The following SCML4 variants were observed in gnomAD, a reference collection of about 807,000 sequenced individuals.
SCML4 encodes the protein Scm polycomb group protein like 4.
A neutral mutation model predicts 41.1 loss-of-function variants in SCML4; 34 were observed. The ratio of observed to expected loss-of-function variants is 0.83; its 90% confidence interval spans 0.63 to 1.10. The LOEUF is 1.10. Among genes scored for constraint, SCML4 ranks in the 50% least tolerant of loss-of-function variants. SCML4 has a pLI of 0.00. For missense variants in SCML4, 522 were observed against 534.1 expected, an observed-to-expected ratio of 0.98 and a Z score of 0.22; for synonymous variants, 214 against 220.9, an observed-to-expected ratio of 0.97 and a Z score of 0.28.
chr6:107,753,593 C>T (rs372203449), intron 2 of SCML4, among the ~76,000 whole-genome samples: 9 of 152,088 alleles, frequency 5.9e-5, no homozygotes, highest in East Asian at 5.8e-4. Flanking sequence ...ATGGCAAACT[C>T]AATAACGGTA....
chr6:107,735,105 G>A (rs1248920356), intron 5 of SCML4, among the ~76,000 whole-genome samples: 1 of 152,136 alleles, frequency 6.6e-6, no homozygotes, highest in Non-Finnish European at 1.5e-5. Context: ...CAAACTCCTG[G>A]CCTCAAGCAG....
chr6:107,830,046 G>A, the SCML4 span, among the ~76,000 whole-genome samples: 72 of 152,286 alleles, frequency 4.7e-4, no homozygotes, highest in East Asian at 0.013. Context: ...TGGAGCCCAT[G>A]TGGGGTGCTT....
intron 4 of SCML4, chr6:107,745,398 C>G (rs907138598): frequency 2.2e-6 from 1 of 449,432 alleles, no homozygotes; most frequent in African/African-American, 2.0e-5. Context: ...TGTTTTTCAT[C>G]ACTCTAATAG....
At position 107,745,092 on chromosome 6, in the gene SCML4, T is replaced by G. The variant is rs1199665679; in HGVS notation, c.539A>C (p.Asn180Thr). 6.2e-7 allele frequency: 1 copy of G among 1,611,228 alleles called. No homozygotes were observed. Among genetic ancestry groups the G allele is most frequent in the Non-Finnish European group, 8.5e-7 (1 of 1,178,648 alleles). The change falls in exon 5 of 8, where the codon AAC (asparagine) becomes ACC (threonine). Residue 180 changes from asparagine to threonine, a missense_variant. Coordinates refer to ENST00000369020, the MANE Select transcript of SCML4 (RefSeq NM_198081.5). ...GAAGCGGAGGACATAGCCGATGCTG[T>G]TCACCACAGGCAGGCTCCGCAGGTG... is the stretch of plus-strand genomic sequence containing the variant. The part of the protein sequence containing the change: ...KQHLRSLPVV[N>T]SIGYVLRFLA...
chr6:107,720,992 G>A lies in SCML4; in HGVS notation c.684C>T (p.Val228=). ...GGTACTCTTCGGTGGTGACTGTCTTGACTAAGCAATAAGGCAGTACAGAGA... is the reference window on the plus strand; with the variant it reads ...GGTACTCTTCGGTGGTGACTGTCTTAACTAAGCAATAAGGCAGTACAGAGA... ...QEKEEGRMES[V]KTVTTEEYLV... Residue 228 remains valine (V), a splice_region_variant and synonymous_variant, in exon 6 of 8, where the codon GTC becomes GTT. Transcript: ENST00000369020. 6.2e-7 allele frequency: 1 copy of A among 1,605,766 alleles called. No individual in the cohort carries two copies. The highest frequency in any genetic ancestry group is 8.5e-7 in the Non-Finnish European group (1 of 1,176,220).
intron 5 of SCML4, among the ~76,000 whole-genome samples, chr6:107,730,322 C>A (rs1264596482): frequency 6.6e-6 from 1 of 152,132 alleles, no homozygotes; most frequent in Admixed American, 6.5e-5. Context: ...GGCTCACAGG[C>A]GAAGGCACTC....
the SCML4 span, among the ~76,000 whole-genome samples, chr6:107,845,002 G>A: frequency 9.0e-4 from 137 of 151,792 alleles, no homozygotes; most frequent in Non-Finnish European, 1.5e-3. Flanking sequence ...TTGGGAGGCT[G>A]AGGCAGGCAG....
chr6:107,755,681 A>AAG, intron 2 of SCML4: 1 of 1,110,376 alleles, frequency 9.0e-7, no homozygotes, highest in Non-Finnish European at 1.2e-6. Context: ...AAAAAAAAAA[A>AAG]GCTGTCTATT....
intron 2 of SCML4, among the ~76,000 whole-genome samples, chr6:107,760,058 A>C (rs1779461001): frequency 6.6e-6 from 1 of 152,142 alleles, no homozygotes; most frequent in Admixed American, 6.5e-5. Flanking sequence ...CCCAACTCAT[A>C]ATGTTGTGTG....
intron 6 of SCML4, among the ~76,000 whole-genome samples, chr6:107,709,861 C>A (rs1728120): frequency 0.071 from 10,846 of 152,164 alleles, 1,229 homozygotes; most frequent in African/African-American, 0.24. Flanking sequence ...CAGGCGCCCA[C>A]CATCACGCCC....
intron 2 of SCML4, among the ~76,000 whole-genome samples, chr6:107,751,835 C>T (rs1262018550): frequency 1.3e-5 from 2 of 152,026 alleles, no homozygotes; most frequent in Non-Finnish European, 2.9e-5. Flanking sequence ...AGGCTTTCAC[C>T]ATGTTGGCCA....
Position 107,772,310 on chromosome 6 carries a change from G to A in SCML4, c.18C>T (p.Ile6=), listed in dbSNP as rs1277614169. Residue 6 remains isoleucine, a synonymous_variant, in exon 2 of 8, where the codon ATC becomes ATT. Coordinates refer to ENST00000369020, the MANE Select transcript of SCML4 (RefSeq NM_198081.5). MQSQR[I]PGRKRGRPSL... ...AGGGTCGGCCTCGCTTTCTCCCCGGGATCCTTTGAGACTGCATTTCTGCTG... is the reference window on the plus strand; with the variant it reads ...AGGGTCGGCCTCGCTTTCTCCCCGGAATCCTTTGAGACTGCATTTCTGCTG... 3.9e-6 allele frequency: 6 copies of A among 1,551,108 alleles called. No homozygotes were observed. Among genetic ancestry groups the A allele is most frequent in the Non-Finnish European group, 4.4e-6 (5 of 1,146,758 alleles).
chr6:107,839,726 G>C, the SCML4 span, among the ~76,000 whole-genome samples: 2 of 152,046 alleles, frequency 1.3e-5, no homozygotes, highest in Non-Finnish European at 2.9e-5. Context: ...CTGAGAATGA[G>C]AGAGCTCACA....
intron 1 of SCML4, among the ~76,000 whole-genome samples, chr6:107,780,595 G>A (rs558615004): frequency 1.3e-5 from 2 of 151,912 alleles, no homozygotes; most frequent in Admixed American, 6.6e-5. Flanking sequence ...TGGTCCCAGC[G>A]ACTTGGGAGG....
At chr6:107,767,779 G>T (rs1780179591) in intron 2 of SCML4, among the ~76,000 whole-genome samples, 1 of 152,148 alleles carries the variant, frequency 6.6e-6, no homozygotes, top group Non-Finnish European at 1.5e-5. Context: ...GCTACGGGTG[G>T]CTGAGTGACT....
rs985659841 is a variant in SCML4, at chr6:107,753,840, G to A, written c.157-4027C>T. On this transcript the variant is annotated intron_variant, in intron 2 of 7. Transcript: ENST00000369020. Reference sequence around the variant, plus strand: ...GGAGATTTAGTGCATGAGGGAGGCCGTGGCCTAAGAGGACGCACATACTTT... The same window carrying A: ...GGAGATTTAGTGCATGAGGGAGGCCATGGCCTAAGAGGACGCACATACTTT... Among the ~76,000 whole-genome samples, 5 of 152,208 alleles carry A rather than the reference G, an allele frequency of 3.3e-5. No individual in the cohort carries two copies. In the South Asian group the frequency reaches 8.3e-4, roughly 25 times the overall value.
chr6:107,770,760 T>C (rs1490971968), intron 2 of SCML4, among the ~76,000 whole-genome samples: 1 of 152,190 alleles, frequency 6.6e-6, no homozygotes, highest in Non-Finnish European at 1.5e-5. Flanking sequence ...GCCCCAGGAA[T>C]GCTGAGTCTG....
intron 1 of SCML4, among the ~76,000 whole-genome samples, chr6:107,823,001 T>C (rs1304218351): frequency 2.0e-5 from 2 of 97,568 alleles, no homozygotes; most frequent in African/African-American, 3.8e-5. Context: ...ACTCCAGATA[T>C]TCTATTTTGC....
chr6:107,724,020 A>C (rs913169224), intron 5 of SCML4, among the ~76,000 whole-genome samples: 2 of 152,224 alleles, frequency 1.3e-5, no homozygotes, highest in African/African-American at 4.8e-5. Flanking sequence ...AAAATCAATT[A>C]ATGTAATACA....
Sources: allele counts gnomAD v4.1 joint callset (sites outside exome capture counted in the v4.1 genomes callset), GRCh38; gene constraint gnomAD v4.1.1; transcripts MANE v1.5; gene names NCBI Gene and HGNC (gene_info 2026-07-23, HGNC 2026-07-21).